Variants in CCNB3 observed in about 807,000 individuals in gnomAD.
The protein encoded by CCNB3 is cyclin B3, also known as G2/mitotic-specific cyclin-B3.
A neutral mutation model predicts 68.0 loss-of-function variants in CCNB3; 12 were observed. The ratio of observed to expected loss-of-function variants is 0.18; its 90% CI spans 0.11 to 0.29. The LOEUF is 0.29. Among genes scored for constraint, CCNB3 ranks in the 10% least tolerant of loss-of-function variants. The pLI is 1.00. For missense variants in CCNB3, 904 were observed against 993.1 expected (o/e 0.91, Z 1.21); for synonymous variants, 354 against 388.9 (o/e 0.91, Z 1.06).
Position 50,294,912 on chromosome X carries a change from T to A in CCNB3, c.254T>A (p.Phe85Tyr). 5 of 1,209,549 alleles carry A rather than the reference T, an allele frequency of 4.1e-6. No individual in the cohort carries two copies. The highest frequency in any genetic ancestry group is 1.8e-5 in the South Asian group (1 of 56,699). ...CCCAAGAAAGAAGCCAATAAAGAGTTTGTAAAAGTTGTTTCCAAGAAGATA... is the reference window on the plus strand; with the variant it reads ...CCCAAGAAAGAAGCCAATAAAGAGTATGTAAAAGTTGTTTCCAAGAAGATA... ...VQPKKEANKE[F>Y]VKVVSKKINR... The change falls in exon 5 of 13, where the codon TTT (phenylalanine) becomes TAT (tyrosine). Residue 85 changes from phenylalanine (F) to tyrosine (Y), a missense_variant. By Grantham distance (22) the Phe-to-Tyr change is conservative (BLOSUM62 3). This residue lies in a region of CCNB3 where 619 missense variants were observed against 609.8 expected (regional missense o/e 1.02). Transcript: ENST00000376042.
intron 8 of CCNB3, among the ~76,000 whole-genome samples, chrX:50,331,293 G>A (rs889576474): frequency 2.7e-5 from 3 of 110,872 alleles, no homozygotes; most frequent in Non-Finnish European, 5.7e-5. Context: ...TCCAGTGGGC[G>A]CCGTCCAGTC....
chrX:50,279,736 T>A lies in CCNB3; in HGVS notation c.-112-4806T>A, dbSNP rs1046143505. 1.9e-3 allele frequency among the ~76,000 whole-genome samples: 171 copies of A among 89,913 alleles called. 1 individual carries two copies. The highest frequency in any genetic ancestry group is 4.6e-3 in the African/African-American group (112 of 24,508). The allele number at this position is 89,913 out of a possible 115,157, so 78.1% of individuals were successfully genotyped here. On this transcript the variant is annotated intron_variant, in intron 1 of 12. Transcript: ENST00000376042. ...TATTCATATATGTAAATATATATGA[T>A]TATGTATATTCATATATGTAAATAT...
At chrX:50,209,341 T>G (rs1602177195) in intron 1 of CCNB3, among the ~76,000 whole-genome samples, 1 of 110,915 alleles carries the variant, frequency 9.0e-6, no homozygotes, top group Admixed American at 9.6e-5. Flanking sequence ...TGCCCAATAC[T>G]GGATTGTTTT....
intron 4 of CCNB3, 101 bp from the exon 5 acceptor site, chrX:50,294,762 C>A: frequency 1.0e-6 from 1 of 998,894 alleles, no homozygotes; most frequent in South Asian, 2.4e-5. Context: ...TTATGTGGGT[C>A]AGGACTTTCC....
At chrX:50,317,570 T>TG (rs1557215963) in intron 8 of CCNB3, among the ~76,000 whole-genome samples, 110 of 109,739 alleles carry the variant, frequency 1.0e-3, no homozygotes, top group African/African-American at 1.1e-3. Flanking sequence ...TATGTATGTA[T>TG]TTATTTATTT....
intron 1 of CCNB3, among the ~76,000 whole-genome samples, chrX:50,279,266 G>T (rs1273392261): frequency 1.5e-5 from 1 of 66,945 alleles, no homozygotes; most frequent in Non-Finnish European, 2.5e-5. Context: ...TAAATATATA[G>T]AGAATATATA....
At chrX:50,292,281 T>C (rs1936361801) in intron 4 of CCNB3, among the ~76,000 whole-genome samples, 2 of 111,350 alleles carry the variant, frequency 1.8e-5, no homozygotes, top group African/African-American at 6.5e-5. Context: ...ATGTATTTAC[T>C]TGTCTTTTTA....
chrX:50,204,525 G>A (rs1239066835), upstream of CCNB3: 1 of 109,614 alleles, frequency 9.1e-6, no homozygotes, highest in African/African-American at 3.3e-5. Context: ...GCGCGCGTGT[G>A]TGTGTGTGGT....
intron 1 of CCNB3, among the ~76,000 whole-genome samples, chrX:50,214,083 C>T (rs1228842967): frequency 0.023 from 2,582 of 110,598 alleles, 65 homozygotes; most frequent in African/African-American, 0.081. Context: ...GATATCTACC[C>T]TCTTAACAAA....
rs61758363 is a variant in CCNB3 at position 50,346,741 on chromosome X, C to T, written c.3744C>T (p.Ile1248=). Residue 1248 remains isoleucine, a synonymous_variant, in exon 10 of 13, where the codon ATC becomes ATT. Transcript: ENST00000376042. ...RSEVLSMEIN[I]LNVLKCDINI... is the part of the protein sequence containing the mutation. ...AGGTACTCAGCATGGAAATCAACAT[C>T]CTGAACGTCCTCAAATGTGACATTA... 4.4e-3 allele frequency: 5,266 copies of T among 1,209,164 alleles called. 26 individuals carry two copies. The highest frequency in any genetic ancestry group is 4.1e-3 in the Non-Finnish European group (3,681 of 894,370).
Position 50,310,730 on chromosome X carries a change from C to T in CCNB3, c.2561C>T (p.Ala854Val). 2 of 1,210,079 alleles carry T rather than the reference C, an allele frequency of 1.7e-6. No homozygotes were observed. The highest frequency in any genetic ancestry group is 2.2e-6 in the Non-Finnish European group (2 of 894,979). ...AAGGAGCCCAGTGTTGACACAGAAG[C>T]TCACTTTAAGGAAACTTTGGCCTTG... is the stretch of plus-strand genomic sequence containing the variant. ...VLKEPSVDTE[A>V]HFKETLALQE... Residue 854 changes from alanine (A) to valine (V), a missense_variant, in exon 6 of 13, where the codon GCT (alanine) becomes GTT (valine). Ala to Val is a moderately conservative substitution (Grantham distance 64, BLOSUM62 0). This residue lies in a region of CCNB3 where 619 missense variants were observed against 609.8 expected (regional missense o/e 1.02). Transcript: ENST00000376042.
At chrX:50,328,272 G>A (rs1180111872) in intron 8 of CCNB3, among the ~76,000 whole-genome samples, 3 of 112,090 alleles carry the variant, frequency 2.7e-5, no homozygotes, top group African/African-American at 6.5e-5. Flanking sequence ...ACTTGAGACC[G>A]GGTAATGTAT....
At chrX:50,292,958 T>C (rs1936375946) in intron 4 of CCNB3, among the ~76,000 whole-genome samples, 1 of 111,905 alleles carries the variant, frequency 8.9e-6, no homozygotes, top group South Asian at 3.7e-4. Context: ...ATATTGATGC[T>C]AGATGTGCTA....
intron 4 of CCNB3, among the ~76,000 whole-genome samples, chrX:50,294,029 G>A (rs1020198654): frequency 1.1e-4 from 12 of 111,165 alleles, no homozygotes; most frequent in Non-Finnish European, 2.1e-4. Context: ...TCAACCTCCC[G>A]GACTCAAGCA....
At chrX:50,227,770 A>G (rs1427101808) in intron 1 of CCNB3, among the ~76,000 whole-genome samples, 5 of 87,769 alleles carry the variant, frequency 5.7e-5, no homozygotes, top group South Asian at 5.0e-4. Context: ...ATATAAATAT[A>G]TATAGAGAAT....
intron 4 of CCNB3, 111 bp from the exon 5 acceptor site, chrX:50,294,752 T>C (rs1363352686): frequency 1.1e-6 from 1 of 933,278 alleles, no homozygotes; most frequent in African/African-American, 2.0e-5. Context: ...CCCAACCAAC[T>C]TATGTGGGTC....
intron 1 of CCNB3, among the ~76,000 whole-genome samples, chrX:50,217,709 T>A (rs1328260592): frequency 8.9e-6 from 1 of 112,210 alleles, no homozygotes; most frequent in African/African-American, 3.2e-5. Context: ...TCTACTGTTA[T>A]TCAGAAATTT....
chrX:50,215,613 G>A (rs964574052), intron 1 of CCNB3, among the ~76,000 whole-genome samples: 1 of 111,050 alleles, frequency 9.0e-6, no homozygotes, highest in African/African-American at 3.3e-5. Flanking sequence ...GTCTCCAACT[G>A]TAAATGTGGA....
intron 7 of CCNB3, among the ~76,000 whole-genome samples, chrX:50,312,951 A>C (rs1921545296): frequency 9.0e-6 from 1 of 110,830 alleles, no homozygotes; most frequent in African/African-American, 3.3e-5. Flanking sequence ...GAAGACCATA[A>C]TCCTGTACAT....
Sources: gnomAD v4.1 joint callset for allele counts (sites outside exome capture counted in the v4.1 genomes callset) on GRCh38, gnomAD v4.1.1 for gene constraint, gnomAD v4.1.1 regional missense constraint, MANE v1.5 for transcripts, NCBI Gene and HGNC (gene_info 2026-07-23, HGNC 2026-07-21) for gene names.